CNBD2: variants seen among roughly 807,000 people sequenced by gnomAD.
CNBD2 encodes the protein cyclic nucleotide binding domain containing 2, also known as cyclic nucleotide-binding domain-containing protein 2.
A neutral mutation model predicts 63.7 loss-of-function variants in CNBD2; 64 were observed. That is an observed-to-expected ratio of 1.00 (90% confidence interval 0.82 to 1.24). The LOEUF (loss-of-function observed/expected upper bound fraction) is 1.24, where lower values mean the gene tolerates loss of function less well. CNBD2 is among the 50% of genes most tolerant of loss of function. CNBD2 has a pLI of 0.00. For synonymous variants in CNBD2, 229 were observed against 255.4 expected (o/e 0.90, Z 0.99); for missense variants, 691 against 713.5 (o/e 0.97, Z 0.36).
At chr20:35,995,353 T>C (rs1041966663) in intron 8 of CNBD2, among the ~76,000 whole-genome samples, 54 of 152,120 alleles carry the variant, frequency 3.5e-4, no homozygotes, top group African/African-American at 1.2e-3. Flanking sequence ...CTTTTCCCTT[T>C]TGCTGTTTAG....
upstream of CNBD2, among the ~76,000 whole-genome samples, chr20:35,964,817 C>T (rs2056333458): frequency 6.6e-6 from 1 of 152,070 alleles, no homozygotes; most frequent in African/African-American, 2.4e-5. Flanking sequence ...ATTCTCCTGC[C>T]TCAGCCTCCC....
Position 36,011,197 on chromosome 20 carries a change from C to T in CNBD2, c.1209C>T (p.Pro403=), listed in dbSNP as rs752754923. 2.5e-6 allele frequency: 4 copies of T among 1,598,644 alleles called. No individual in the cohort carries two copies. Among genetic ancestry groups the T allele is most frequent in the Non-Finnish European group, 2.6e-6 (3 of 1,171,876 alleles). ...TCAATATCAAGCCTGGTGAGCTCCC[C>T]AAGGAGGCTGCAGTGGGGGCCTACG... ...AMINIKPGEL[P]KEAAVGAYVK... The change falls in exon 10 of 12, where the codon CCC becomes CCT. Residue 403 remains proline (P), a synonymous_variant. Transcript: ENST00000373973.
rs371444398 is a variant in CNBD2 at position 36,006,279 on chromosome 20, C to T, written c.971-2018C>T. Among the ~76,000 whole-genome samples the T allele has an allele frequency of 4.2e-4, 64 of 152,096 alleles. No homozygotes were observed. The East Asian group carries it at 9.2e-3, about 22-fold the overall frequency. On this transcript the variant is annotated intron_variant, in intron 8 of 11. Coordinates refer to ENST00000373973, the MANE Select transcript of CNBD2 (RefSeq NM_001365709.1). Reference sequence around the variant, plus strand: ...TCCTGACCTCTTGATCTGCCCGCCTCGGCCTCCCAAAGTGCTGGGATTATA... The same window carrying T: ...TCCTGACCTCTTGATCTGCCCGCCTTGGCCTCCCAAAGTGCTGGGATTATA...
chr20:36,026,764 C>A (rs1188234183), intron 11 of CNBD2, among the ~76,000 whole-genome samples: 3 of 152,224 alleles, frequency 2.0e-5, no homozygotes, highest in Non-Finnish European at 4.4e-5. Flanking sequence ...CCTCCTCAGA[C>A]TAACCCCAGT....
upstream of CNBD2, chr20:35,968,502 T>C (rs1272113966): frequency 7.9e-6 from 3 of 381,552 alleles, no homozygotes; most frequent in Non-Finnish European, 1.5e-5. Flanking sequence ...ATCCCATAAA[T>C]GTTAGACTCC....
intron 11 of CNBD2, among the ~76,000 whole-genome samples, chr20:36,028,257 G>A (rs2057304309): frequency 6.6e-6 from 1 of 151,868 alleles, no homozygotes; most frequent in Non-Finnish European, 1.5e-5. Flanking sequence ...GTTGAGTGGG[G>A]GCAGATGGAA....
At chr20:36,017,348 A>C (rs1331669541) in intron 10 of CNBD2, among the ~76,000 whole-genome samples, 1 of 152,018 alleles carries the variant, frequency 6.6e-6, no homozygotes. Context: ...TTCCTCTGTC[A>C]CTATCTCCAA....
chr20:35,987,284 C>T, intron 6 of CNBD2, 111 bp from the exon 7 acceptor site: 1 of 1,253,790 alleles, frequency 8.0e-7, no homozygotes, highest in Non-Finnish European at 1.1e-6. Flanking sequence ...GCAGCGAAAT[C>T]TTCCACCCAG....
In CNBD2 at chr20:36,009,579, C is replaced by A. The variant is rs542962076; in HGVS notation, c.1148+1105C>A. On this transcript the variant is annotated intron_variant, in intron 9 of 11. Transcript: ENST00000373973. ...GGGCATGGTGGCTTATGCCTGTAAT[C>A]CCAACACTTTGGGCGGCTGAAGCGG... 1.6e-4 allele frequency among the ~76,000 whole-genome samples: 24 copies of A among 152,136 alleles called. No homozygotes were observed. The South Asian group carries it at 5.0e-3, about 32-fold the overall frequency.
upstream of CNBD2, among the ~76,000 whole-genome samples, chr20:35,964,217 G>T (rs1283293995): frequency 6.7e-6 from 1 of 150,002 alleles, no homozygotes; most frequent in Admixed American, 6.7e-5. Flanking sequence ...TTTTGCTCTT[G>T]TTGCCCAGGC....
rs1262075239 is a variant in CNBD2, at chr20:36,012,818, G to A, written c.1269+1561G>A. On this transcript the variant is annotated intron_variant, in intron 10 of 11. Transcript: ENST00000373973. ...GCCTGGGCAACAAGAGTGAAAATCC[G>A]TCTCAAAAAAAAAAAAAAAAAAGAA... is the stretch of plus-strand genomic sequence containing the variant. Among the ~76,000 whole-genome samples the A allele has an allele frequency of 2.1e-4, 20 of 94,214 alleles. No homozygotes were observed. The South Asian group carries it at 5.8e-3, about 27-fold the overall frequency. The allele number at this position is 94,214 out of a possible 152,430, so 61.8% of individuals were successfully genotyped here. A position where few individuals can be genotyped will look rare whatever the true frequency, so the allele number is the denominator to read the frequency against.
intron 1 of CNBD2, among the ~76,000 whole-genome samples, chr20:35,969,366 C>G (rs1461351916): frequency 6.6e-6 from 1 of 152,068 alleles, no homozygotes; most frequent in Non-Finnish European, 1.5e-5. Flanking sequence ...CATAAAGTAC[C>G]TTTCCCCATA....
rs148663118 is a variant in CNBD2, at chr20:35,984,041, T to C, written c.467T>C (p.Ile156Thr). Residue 156 changes from isoleucine (I) to threonine (T), a missense_variant, in exon 5 of 12, where the codon ATC becomes ACC. Transcript: ENST00000373973. Reference protein sequence around the residue: ...KGQKGNSFYFIYLGTVAITKD... With the variant: ...KGQKGNSFYFTYLGTVAITKD... ...CAGAAGGGCAACAGCTTTTATTTCA[T>C]CTACCTGGGCACAGTTGCAATAACC... The C allele has an allele frequency of 2.7e-5, 44 of 1,614,196 alleles. No homozygotes were observed. In the African/African-American group the frequency reaches 5.9e-4, roughly 22 times the overall value.
intron 1 of CNBD2, among the ~76,000 whole-genome samples, chr20:35,970,951 T>C (rs1394479815): frequency 1.6e-5 from 2 of 124,236 alleles, no homozygotes; most frequent in Non-Finnish European, 3.3e-5. Context: ...TTTCTTTTTC[T>C]TTTTTTTTTT....
intron 11 of CNBD2, 115 bp downstream of exon 11, chr20:36,023,886 A>C (rs1762397016): frequency 1.1e-6 from 1 of 889,272 alleles, no homozygotes; most frequent in African/African-American, 1.7e-5. Context: ...GTGAAATGAA[A>C]CTGGGAGTTG....
At chr20:35,988,763 T>C (rs1420739909) in intron 7 of CNBD2, among the ~76,000 whole-genome samples, 1 of 152,104 alleles carries the variant, frequency 6.6e-6, no homozygotes, top group African/African-American at 2.4e-5. Context: ...AGCCCCACCT[T>C]ATCTAGTGTC....
In CNBD2 at chr20:35,968,628, A is replaced by C; in HGVS notation, c.-135A>C. On this transcript the variant is annotated 5_prime_UTR_variant, in exon 1 of 12. Transcript: ENST00000373973. ...CAGTAGCTGATGGTATGGTAGGAGG[A>C]GTGGAGTGGAGCTCTTGCCTTGTTA... 1 of 608,414 alleles carries C rather than the reference A, an allele frequency of 1.6e-6. No individual in the cohort carries two copies. Among genetic ancestry groups the C allele is most frequent in the Non-Finnish European group, 3.0e-6 (1 of 334,264 alleles). 37.7% of individuals were successfully genotyped at this position (608,414 alleles called of 1,614,324 possible).
At chr20:36,010,444 CAAAAAAA>C (rs147122121) in intron 9 of CNBD2, among the ~76,000 whole-genome samples, 2 of 92,966 alleles carry the variant, frequency 2.2e-5, no homozygotes, top group African/African-American at 3.7e-5. Flanking sequence ...AACTCTGTCT[CAAAAAAA>C]AAAAAAAAAA....
chr20:36,013,627 A>G (rs2147339975), intron 10 of CNBD2, among the ~76,000 whole-genome samples: 1 of 152,210 alleles, frequency 6.6e-6, no homozygotes, highest in East Asian at 1.9e-4. Context: ...ACTGTGCCCT[A>G]GTGATAAAGC....
Sources: allele counts gnomAD v4.1 joint callset (sites outside exome capture counted in the v4.1 genomes callset), GRCh38; gene constraint gnomAD v4.1.1; transcripts MANE v1.5; gene names NCBI Gene and HGNC (gene_info 2026-07-23, HGNC 2026-07-21).